CBLC: variants seen among roughly 807,000 people sequenced by gnomAD.
The protein encoded by CBLC is E3 ubiquitin-protein ligase CBL-C.
Under a neutral mutation model 58.6 loss-of-function variants are expected in CBLC, and 46 were observed. The ratio of observed to expected loss-of-function variants is 0.79; its 90% confidence interval spans 0.62 to 1.00. The LOEUF is 1.00. Among genes scored for constraint, CBLC ranks in the 50% least tolerant of loss-of-function variants. CBLC has a pLI of 0.00. For synonymous variants in CBLC, 271 were observed against 264.2 expected, an observed-to-expected ratio of 1.03 and a Z score of -0.25; for missense variants, 655 against 625.8, an observed-to-expected ratio of 1.05 and a Z score of -0.50.
intron 3 of CBLC, 77 bp from the exon 4 acceptor site, chr19:44,782,293 C>T: frequency 6.3e-7 from 1 of 1,584,904 alleles, no homozygotes; most frequent in Non-Finnish European, 8.6e-7. Context: ...TGGTTGGATC[C>T]TCGAGCCCTA....
chr19:44,790,765 G>A (rs377713423), intron 6 of CBLC, among the ~76,000 whole-genome samples: 8 of 152,162 alleles, frequency 5.3e-5, no homozygotes, highest in African/African-American at 9.6e-5. Context: ...AATATATCCC[G>A]TGCAATATTT....
chr19:44,792,330 C>T (rs934878597), intron 6 of CBLC, 53 bp from the exon 7 acceptor site: 130 of 1,602,758 alleles, frequency 8.1e-5, no homozygotes, highest in Non-Finnish European at 1.1e-4. Flanking sequence ...CAAGTTGTGT[C>T]CCCGTGGCTG....
chr19:44,794,861 C>T (rs945633406), intron 9 of CBLC, among the ~76,000 whole-genome samples: 1 of 151,976 alleles, frequency 6.6e-6, no homozygotes, highest in African/African-American at 2.4e-5. Context: ...TTTCCTGAGG[C>T]TTGCTTTCCC....
intron 9 of CBLC, among the ~76,000 whole-genome samples, chr19:44,799,710 AAG>A (rs1968250186): frequency 6.6e-6 from 1 of 151,108 alleles, no homozygotes; most frequent in Admixed American, 6.6e-5. Flanking sequence ...GAGAGAAAGA[AAG>A]GGAGAGAAAG....
chr19:44,780,411 C>G (rs186330770), intron 1 of CBLC, among the ~76,000 whole-genome samples: 89 of 151,264 alleles, frequency 5.9e-4, no homozygotes, highest in Admixed American at 9.9e-4. Context: ...GCTGGGATTA[C>G]AGGCATGAGC....
intron 5 of CBLC, among the ~76,000 whole-genome samples, chr19:44,787,623 C>T (rs1165297272): frequency 2.6e-5 from 4 of 151,142 alleles, no homozygotes; most frequent in African/African-American, 9.7e-5. Context: ...TCAAGACCAG[C>T]CTGGCCGACA....
Position 44,778,050 on chromosome 19 carries a change from G to C in CBLC, c.119G>C (p.Ser40Thr). The C allele has an allele frequency of 6.2e-7, 1 of 1,609,118 alleles. No homozygotes were observed. Among genetic ancestry groups the C allele is most frequent in the South Asian group, 1.1e-5 (1 of 91,074 alleles). Reference sequence around the variant, plus strand: ...TGCGTCGACCCCCGGCTGTCCGTGAGTCCCCCTTCGCTGCGGGACCTGCTG... The same window carrying C: ...TGCGTCGACCCCCGGCTGTCCGTGACTCCCCCTTCGCTGCGGGACCTGCTG... ...EQCVDPRLSV[S>T]PPSLRDLLPR... Residue 40 changes from serine to threonine, a missense_variant, in exon 1 of 11, where the codon AGT (serine) becomes ACT (threonine). This residue lies in a region of CBLC where 280 missense variants were observed against 237.2 expected (regional missense o/e 1.18). Transcript: ENST00000647358.
chr19:44,788,646 AT>A (rs1967972204), intron 5 of CBLC, among the ~76,000 whole-genome samples: 1 of 151,810 alleles, frequency 6.6e-6, no homozygotes, highest in Non-Finnish European at 1.5e-5. Flanking sequence ...TGCCTGGCTA[AT>A]TATTATTGTA....
intron 6 of CBLC, among the ~76,000 whole-genome samples, chr19:44,791,840 T>A (rs1010722665): frequency 4.6e-5 from 7 of 152,004 alleles, no homozygotes; most frequent in African/African-American, 7.2e-5. Flanking sequence ...GTTTATTATT[T>A]TTTTTTTAAA....
rs113019438 is a variant in CBLC, at chr19:44,783,377, C to T, written c.779+886C>T. ...CCAAAAATTTAGCCAAGCGTGGTGG[C>T]GTGCACCTGTAATCCCAGCTACTTG... On this transcript the variant is annotated intron_variant, in intron 4 of 10. Transcript: ENST00000647358. 9.7e-4 allele frequency among the ~76,000 whole-genome samples: 147 copies of T among 152,200 alleles called. 1 individual carries two copies. In the East Asian group the frequency reaches 0.013, roughly 13 times the overall value.
rs778906584 is a variant in CBLC at position 44,778,022 on chromosome 19, C to A, written c.91C>A (p.Gln31Lys). The A allele has an allele frequency of 6.2e-7, 1 of 1,609,328 alleles. No homozygotes were observed. The highest frequency in any genetic ancestry group is 8.5e-7 in the Non-Finnish European group (1 of 1,179,584). ...CAGGATGCTGCAGCGCCTAGAAGAG[C>A]AATGCGTCGACCCCCGGCTGTCCGT... ...AVRMLQRLEEQCVDPRLSVSP... is the reference protein window; with the variant it reads ...AVRMLQRLEEKCVDPRLSVSP... The change falls in exon 1 of 11, where the codon CAA (glutamine) becomes AAA (lysine). Residue 31 changes from glutamine (Q) to lysine (K), a missense_variant. Coordinates refer to ENST00000647358, the MANE Select transcript of CBLC (RefSeq NM_012116.4).
intron 9 of CBLC, among the ~76,000 whole-genome samples, chr19:44,800,111 G>A (rs1018753810): frequency 1.3e-5 from 2 of 152,198 alleles, no homozygotes; most frequent in Non-Finnish European, 2.9e-5. Context: ...CCCCTGTCCA[G>A]GGCCTGTGAA....
intron 5 of CBLC, among the ~76,000 whole-genome samples, chr19:44,784,969 T>TG (rs1967857004): frequency 2.6e-5 from 3 of 115,480 alleles, no homozygotes. Context: ...TTTTTTTTTT[T>TG]TTTTTTTTTT....
chr19:44,777,886 C>A, upstream of CBLC: 2 of 1,464,938 alleles, frequency 1.4e-6, no homozygotes, highest in Non-Finnish European at 1.8e-6. Flanking sequence ...GCGAGGCCGC[C>A]CCTATCCCAG....
intron 1 of CBLC, among the ~76,000 whole-genome samples, chr19:44,779,872 C>T (rs901236511): frequency 6.6e-6 from 1 of 151,968 alleles, no homozygotes; most frequent in Non-Finnish European, 1.5e-5. Flanking sequence ...CTTAATTCAT[C>T]CTGAGAGGAC....
At chr19:44,779,553 CTT>C (rs774514447) in intron 1 of CBLC, among the ~76,000 whole-genome samples, 43 of 137,136 alleles carry the variant, frequency 3.1e-4, no homozygotes, top group Admixed American at 4.4e-4. Flanking sequence ...TGTAGTGTCT[CTT>C]TTTTTTTTTT....
At chr19:44,784,442 C>A in intron 5 of CBLC, 41 bp downstream of exon 5, 3 of 1,530,504 alleles carry the variant, frequency 2.0e-6, no homozygotes, top group Non-Finnish European at 2.7e-6. Flanking sequence ...TCAGCAAAAT[C>A]TGGTTGGAAA....
Position 44,782,450 on chromosome 19 carries a change from G to T in CBLC, c.738G>T (p.Glu246Asp). The part of the protein sequence containing the change: ...PGYMAFLTYD[E>D]VQERLQACRD... ...ACATGGCCTTCCTCACCTATGATGA[G>T]GTCCAAGAGCGTCTGCAGGCCTGCA... Residue 246 changes from glutamate to aspartate, a missense_variant, in exon 4 of 11, where the codon GAG becomes GAT. By Grantham distance (45) the Glu-to-Asp change is conservative. Transcript: ENST00000647358. The T allele has an allele frequency of 6.2e-7, 1 of 1,613,872 alleles. No homozygotes were observed. Among genetic ancestry groups the T allele is most frequent in the Non-Finnish European group, 8.5e-7 (1 of 1,179,878 alleles).
At chr19:44,792,315 T>A in intron 6 of CBLC, 68 bp from the exon 7 acceptor site, 1 of 1,582,198 alleles carries the variant, frequency 6.3e-7, no homozygotes, top group South Asian at 1.1e-5. Context: ...TTTCTTCCTG[T>A]GGCCCAAGTT....
Sources: gnomAD v4.1 joint callset for allele counts (sites outside exome capture counted in the v4.1 genomes callset) on GRCh38, gnomAD v4.1.1 for gene constraint, gnomAD v4.1.1 regional missense constraint, MANE v1.5 for transcripts, NCBI Gene and HGNC (gene_info 2026-07-23, HGNC 2026-07-21) for gene names.